Variants in AHI1 observed in about 807,000 individuals in gnomAD.
AHI1 encodes the protein Abelson helper integration site 1, also known as jouberin.
AHI1 carries 123 observed loss-of-function variants against 149.3 expected under a neutral mutation model. The ratio of observed to expected loss-of-function variants is 0.82; its 90% CI spans 0.71 to 0.96. The LOEUF (loss-of-function observed/expected upper bound fraction) is 0.96, where lower values mean the gene tolerates loss of function less well. Among genes scored for constraint, AHI1 ranks in the 40% least tolerant of loss-of-function variants. The pLI, the probability that AHI1 is intolerant of heterozygous loss-of-function variation, is 0.00. For synonymous variants in AHI1, 475 were observed against 459.8 expected (o/e 1.03, Z -0.42); for missense variants, 1,439 against 1,422.7 (o/e 1.01, Z -0.18).
intron 23 of AHI1, among the ~76,000 whole-genome samples, chr6:135,382,520 A>G (rs1284984619): frequency 1.3e-5 from 2 of 152,162 alleles, no homozygotes. Flanking sequence ...CAGACTGTTC[A>G]CTATCCAGAC....
chr6:135,343,635 G>GAA (rs200714419), intron 24 of AHI1, among the ~76,000 whole-genome samples: 1,478 of 133,856 alleles, frequency 0.011, 25 homozygotes, highest in African/African-American at 0.038. Flanking sequence ...CCATTAAAAG[G>GAA]AAAAAAAAAA....
At chr6:135,287,907 C>A (rs1340865968) in intron 28 of AHI1, among the ~76,000 whole-genome samples, 1 of 151,764 alleles carries the variant, frequency 6.6e-6, no homozygotes, top group Non-Finnish European at 1.5e-5. Flanking sequence ...ACCAGCCTGG[C>A]CAACATGGTG....
At chr6:135,403,061 T>C (rs1441177158) in intron 22 of AHI1, among the ~76,000 whole-genome samples, 2 of 152,192 alleles carry the variant, frequency 1.3e-5, no homozygotes, top group East Asian at 3.9e-4. Flanking sequence ...TCTGACTCCA[T>C]TTATATGAAA....
intron 5 of AHI1, among the ~76,000 whole-genome samples, chr6:135,471,559 C>A (rs1316884372): frequency 1.3e-5 from 2 of 151,602 alleles, no homozygotes; most frequent in African/African-American, 4.9e-5. Flanking sequence ...TGGAATTCAG[C>A]AGTTTCATGG....
chr6:135,297,944 G>A (rs1783343922), intron 27 of AHI1, among the ~76,000 whole-genome samples: 4 of 151,962 alleles, frequency 2.6e-5, no homozygotes, highest in Admixed American at 2.6e-4. Context: ...TCAGATTTCA[G>A]GGTTAATAAG....
chr6:135,496,037 T>C (rs1795915690), intron 2 of AHI1, 139 bp from the exon 3 acceptor site: 2 of 152,128 alleles, frequency 1.3e-5, no homozygotes, highest in Non-Finnish European at 2.9e-5. Flanking sequence ...TATTTACTAT[T>C]AACAGCTTAA....
At chr6:135,359,697 C>T (rs937364439) in intron 23 of AHI1, among the ~76,000 whole-genome samples, 1 of 152,132 alleles carries the variant, frequency 6.6e-6, no homozygotes, top group African/African-American at 2.4e-5. Context: ...TGCCAGAGTT[C>T]AGCAATTAAC....
intron 26 of AHI1, among the ~76,000 whole-genome samples, chr6:135,304,147 T>C (rs1047010116): frequency 6.6e-6 from 1 of 152,170 alleles, no homozygotes; most frequent in Non-Finnish European, 1.5e-5. Context: ...GGCTAACCTG[T>C]GGGCTCAGGC....
intron 5 of AHI1, among the ~76,000 whole-genome samples, chr6:135,480,040 G>A (rs543054097): frequency 1.1e-4 from 17 of 152,192 alleles, no homozygotes; most frequent in South Asian, 4.2e-4. Context: ...CCAATACAGC[G>A]TGCTGAACTG....
chr6:135,484,938 AT>A (rs1229710928), intron 5 of AHI1, among the ~76,000 whole-genome samples: 3 of 152,198 alleles, frequency 2.0e-5, no homozygotes, highest in Non-Finnish European at 4.4e-5. Flanking sequence ...TCTTATGGAA[AT>A]ATCTGCCTAT....
intron 21 of AHI1, among the ~76,000 whole-genome samples, chr6:135,406,769 G>A (rs1381673842): frequency 5.9e-5 from 9 of 152,144 alleles, no homozygotes; most frequent in Non-Finnish European, 1.3e-4. Flanking sequence ...TAGACAGGAT[G>A]AGATCTTGAG....
intron 24 of AHI1, among the ~76,000 whole-genome samples, chr6:135,357,332 A>T (rs929549968): frequency 5.3e-5 from 8 of 152,234 alleles, no homozygotes; most frequent in Non-Finnish European, 1.0e-4. Context: ...GAACATTGAC[A>T]TGACTTTCAA....
At chr6:135,481,847 T>C (rs1036179427) in intron 5 of AHI1, among the ~76,000 whole-genome samples, 15 of 150,362 alleles carry the variant, frequency 1.0e-4, no homozygotes, top group African/African-American at 3.2e-4. Context: ...TAAAAACTTT[T>C]TGAGGACCGA....
intron 26 of AHI1, chr6:135,301,364 A>G (rs779075880): frequency 1.6e-5 from 16 of 977,714 alleles, no homozygotes; most frequent in Non-Finnish European, 1.9e-5. Context: ...TCAGTAATCC[A>G]GAAAACATAA....
chr6:135,462,192 T>A (rs915895176), intron 8 of AHI1, among the ~76,000 whole-genome samples: 1 of 152,054 alleles, frequency 6.6e-6, no homozygotes, highest in Non-Finnish European at 1.5e-5. Flanking sequence ...ATCACTTACA[T>A]CTTCTAATGA....
intron 5 of AHI1, among the ~76,000 whole-genome samples, chr6:135,478,624 TG>T (rs1793104243): frequency 6.6e-6 from 1 of 152,208 alleles, no homozygotes; most frequent in African/African-American, 2.4e-5. Context: ...CACGAAAGTT[TG>T]GAAAATTTGC....
At chr6:135,336,398 G>C (rs989879863) in intron 24 of AHI1, among the ~76,000 whole-genome samples, 22 of 152,060 alleles carry the variant, frequency 1.4e-4, no homozygotes, top group African/African-American at 4.6e-4. Context: ...AGGAGTTCGA[G>C]ACAAGCCTAG....
intron 13 of AHI1, among the ~76,000 whole-genome samples, chr6:135,444,748 T>G (rs1786890248): frequency 6.6e-6 from 1 of 152,256 alleles, no homozygotes; most frequent in African/African-American, 2.4e-5. Context: ...GAATAAAATC[T>G]AGATTTTCGT....
intron 23 of AHI1, among the ~76,000 whole-genome samples, chr6:135,363,650 C>T (rs1466358775): frequency 2.0e-5 from 3 of 149,340 alleles, no homozygotes; most frequent in Non-Finnish European, 3.0e-5. Context: ...CCTCACCTCC[C>T]GGACGGGGCG....
Sources: gnomAD v4.1 joint callset for allele counts (sites outside exome capture counted in the v4.1 genomes callset) on GRCh38, gnomAD v4.1.1 for gene constraint, MANE v1.5 for transcripts, NCBI Gene and HGNC (gene_info 2026-07-23, HGNC 2026-07-21) for gene names.